PIEZO2: variants seen among roughly 807,000 people sequenced by gnomAD.
PIEZO2 encodes piezo-type mechanosensitive ion channel component 2.
PIEZO2 carries 172 observed loss-of-function variants against 337.3 expected under a neutral mutation model. The observed-to-expected ratio is 0.51, with a 90% CI of 0.45 to 0.58. PIEZO2 has a LOEUF of 0.58. Ranked by LOEUF, PIEZO2 falls within the 20% of genes least tolerant of loss-of-function variation. The pLI is 0.00. For synonymous variants in PIEZO2, 1,251 were observed against 1,228.5 expected, an observed-to-expected ratio of 1.02 and a Z score of -0.38; for missense variants, 3,028 against 3,391.3, an observed-to-expected ratio of 0.89 and a Z score of 2.66.
At chr18:11,022,460 A>T (rs2036346015) in intron 2 of PIEZO2, among the ~76,000 whole-genome samples, 1 of 152,174 alleles carries the variant, frequency 6.6e-6, no homozygotes, top group Non-Finnish European at 1.5e-5. Context: ...CTCAGTTGTA[A>T]AGGCTAGAAG....
In PIEZO2 at chr18:11,096,061, G is replaced by T. The variant is rs929131560; in HGVS notation, c.65-29839C>A. Among the ~76,000 whole-genome samples the T allele has an allele frequency of 2.6e-5, 4 of 152,182 alleles. No individual in the cohort carries two copies. The highest frequency in any genetic ancestry group is 5.9e-5 in the Non-Finnish European group (4 of 68,034). ...AGAGGGAGGCAGCTTTGCCTCCACT[G>T]CATGGAAAGGGCTTGGAACCAGCGG... On this transcript the variant is annotated intron_variant, in intron 1 of 55. Transcript: ENST00000674853. This position sits in a 1 kb window ranked among gnomAD's most constrained non-coding sequence, Gnocchi z 4.6.
chr18:11,057,404 T>C (rs1009341507), intron 2 of PIEZO2, among the ~76,000 whole-genome samples: 4 of 152,244 alleles, frequency 2.6e-5, no homozygotes, highest in Non-Finnish European at 5.9e-5. Flanking sequence ...TCAAGAACTC[T>C]AAAAGCCCAG....
At chr18:10,936,639 C>G (rs956573794) in intron 3 of PIEZO2, among the ~76,000 whole-genome samples, 2 of 152,148 alleles carry the variant, frequency 1.3e-5, no homozygotes, top group Non-Finnish European at 2.9e-5. Context: ...ACTAAAAGGC[C>G]TGGGGCTAGA....
At position 10,775,618 on chromosome 18, in the gene PIEZO2, A is replaced by T. The variant is rs1272478258; in HGVS notation, c.2535-1580T>A. Among the ~76,000 whole-genome samples the T allele has an allele frequency of 6.6e-6, 1 of 152,238 alleles. No individual in the cohort carries two copies. The highest frequency in any genetic ancestry group is 2.4e-5 in the African/African-American group (1 of 41,474). On this transcript the variant is annotated intron_variant, in intron 18 of 55. Coordinates refer to ENST00000674853, the MANE Select transcript of PIEZO2 (RefSeq NM_001378183.1). The surrounding 1 kb of genome is among the most constrained non-coding windows in gnomAD (Gnocchi z 4.3). ...AGGCTGTTTCCACAGCTGCTACTAC[A>T]GCTACACAGCAGATGTCCTTAAGCA...
In PIEZO2 at chr18:10,885,627, C is replaced by A. The variant is rs376464591; in HGVS notation, c.330-14212G>T. ...TGGTAGGAGGGAGGTTTGAAAGGTA[C>A]CACGGTCAGGGTCATTGGGAACCTT... On this transcript the variant is annotated intron_variant, in intron 4 of 55. Transcript: ENST00000674853. Among the ~76,000 whole-genome samples the A allele has an allele frequency of 4.5e-4, 69 of 152,196 alleles. No homozygotes were observed. In the East Asian group the frequency reaches 6.2e-3, roughly 14 times the overall value.
rs34849868 is a variant in PIEZO2, at chr18:11,127,803, ATG to A, written c.64+20720_64+20721del. 9.1e-3 allele frequency among the ~76,000 whole-genome samples: 1,343 copies of A among 146,806 alleles called. 25 individuals carry two copies. The highest frequency in any genetic ancestry group is 0.031 in the African/African-American group (1,221 of 39,566). ...TGCATATACGTGTGTGTGTGTGTGC[ATG>A]TGTGTGTGTGTGTGTGTGTGTATCC... is the stretch of plus-strand genomic sequence containing the variant. On this transcript the variant is annotated intron_variant, in intron 1 of 55. Transcript: ENST00000674853. The surrounding 1 kb of genome is among the most constrained non-coding windows in gnomAD (Gnocchi z 4.5).
At chr18:11,045,379 G>A (rs1400300211) in intron 2 of PIEZO2, among the ~76,000 whole-genome samples, 1 of 147,876 alleles carries the variant, frequency 6.8e-6, no homozygotes, top group East Asian at 2.0e-4. Context: ...ATGGCCAACA[G>A]CAAAATTATT....
At position 11,105,454 on chromosome 18, in the gene PIEZO2, C is replaced by T. The variant is rs1413052132; in HGVS notation, c.65-39232G>A. ...GCACCTCACATCTTCATCCTCACGA[C>T]ACACTTCCACACTTCAAACTACCAC... On this transcript the variant is annotated intron_variant, in intron 1 of 55. Coordinates refer to ENST00000674853, the MANE Select transcript of PIEZO2 (RefSeq NM_001378183.1). The surrounding 1 kb of genome is among the most constrained non-coding windows in gnomAD (Gnocchi z 4.3). 3.9e-5 allele frequency among the ~76,000 whole-genome samples: 6 copies of T among 152,186 alleles called. No individual in the cohort carries two copies. Among genetic ancestry groups the T allele is most frequent in the African/African-American group, 1.4e-4 (6 of 41,444 alleles).
chr18:11,065,326 C>A (rs142392080), intron 2 of PIEZO2, among the ~76,000 whole-genome samples: 2 of 152,166 alleles, frequency 1.3e-5, no homozygotes, highest in Non-Finnish European at 2.9e-5. Context: ...TGTAAACATA[C>A]GGCCATTGCA....
chr18:10,839,729 A>G (rs1202962262), intron 7 of PIEZO2, among the ~76,000 whole-genome samples: 2 of 152,224 alleles, frequency 1.3e-5, no homozygotes, highest in Non-Finnish European at 2.9e-5. Flanking sequence ...TTTAATCTAT[A>G]GCAAGGACAC....
chr18:10,704,401 T>C lies in PIEZO2; in HGVS notation c.6251A>G (p.Tyr2084Cys). 4 of 1,537,140 alleles carry C rather than the reference T, an allele frequency of 2.6e-6. No homozygotes were observed. The highest frequency in any genetic ancestry group is 2.6e-6 in the Non-Finnish European group (3 of 1,146,896). Residue 2084 changes from tyrosine (Y) to cysteine (C), a missense_variant, in exon 42 of 56, where the codon TAT becomes TGT. By Grantham distance (194) the Tyr-to-Cys change is radical. This residue lies in a region of PIEZO2 where 1,925 missense variants were observed against 2,051.9 expected (regional missense o/e 0.94). Coordinates refer to ENST00000674853, the MANE Select transcript of PIEZO2 (RefSeq NM_001378183.1). Reference protein sequence around the residue: ...SRRFWMMAIVYTEVAIVVKYF... With the variant: ...SRRFWMMAIVCTEVAIVVKYF... ...GTCTGCGTCCAGGCCTACCTCAGTATAGACGATGGCCATCATCCAGAACCG... is the reference window on the plus strand; with the variant it reads ...GTCTGCGTCCAGGCCTACCTCAGTACAGACGATGGCCATCATCCAGAACCG...
intron 22 of PIEZO2, 75 bp downstream of exon 22, chr18:10,762,847 G>C: frequency 6.8e-7 from 1 of 1,468,546 alleles, no homozygotes; most frequent in Non-Finnish European, 9.1e-7. Context: ...TGTGCTTGGG[G>C]ATGGGGGTTC....
intron 5 of PIEZO2, among the ~76,000 whole-genome samples, chr18:10,860,256 TC>T (rs1435839159): frequency 3.2e-4 from 48 of 152,252 alleles, no homozygotes; most frequent in Non-Finnish European, 2.9e-5. Context: ...GAGATGGCCC[TC>T]CTCGAGGTGC....
At chr18:11,011,030 G>A (rs2035880577) in intron 2 of PIEZO2, among the ~76,000 whole-genome samples, 1 of 152,196 alleles carries the variant, frequency 6.6e-6, no homozygotes, top group African/African-American at 2.4e-5. Flanking sequence ...ATGCTACGTG[G>A]TGTGAAAACA....
chr18:10,990,131 A>C (rs977483290), intron 2 of PIEZO2, among the ~76,000 whole-genome samples: 3 of 152,232 alleles, frequency 2.0e-5, no homozygotes, highest in Non-Finnish European at 4.4e-5. Flanking sequence ...TTAAGGCAGA[A>C]CATCAAACAA....
At chr18:10,845,675 T>A (rs1462489048) in intron 7 of PIEZO2, among the ~76,000 whole-genome samples, 3 of 152,114 alleles carry the variant, frequency 2.0e-5, no homozygotes, top group Non-Finnish European at 4.4e-5. Context: ...ACCCCCACAT[T>A]AATTAAGAAA....
Position 11,013,091 on chromosome 18 carries a change from T to C in PIEZO2, c.161-33431A>G, listed in dbSNP as rs190221923. 1.0e-3 allele frequency among the ~76,000 whole-genome samples: 153 copies of C among 152,332 alleles called. 1 individual carries two copies. Among genetic ancestry groups the C allele is most frequent in the African/African-American group, 3.4e-3 (143 of 41,570 alleles). On this transcript the variant is annotated intron_variant, in intron 2 of 55. Transcript: ENST00000674853. ...AAATTTTCACATCAAATATTTTATG[T>C]CTTCATTTATGTAATTCCCAGAACC... is the stretch of plus-strand genomic sequence containing the variant.
At chr18:10,818,284 G>C (rs144406761) in intron 7 of PIEZO2, among the ~76,000 whole-genome samples, 165 of 152,262 alleles carry the variant, frequency 1.1e-3, no homozygotes, top group African/African-American at 3.9e-3. Context: ...ATTCAGCACG[G>C]CTTTAAAAGG....
chr18:10,715,229 G>A lies in PIEZO2; in HGVS notation c.5257-299C>T, dbSNP rs60890448. On this transcript the variant is annotated intron_variant, in intron 38 of 55. Coordinates refer to ENST00000674853, the MANE Select transcript of PIEZO2 (RefSeq NM_001378183.1). ...TAAACCATATATTTTGTTATTCTGCGTATGTCCTACTTTTTATTATAAAAA... is the reference window on the plus strand; with the variant it reads ...TAAACCATATATTTTGTTATTCTGCATATGTCCTACTTTTTATTATAAAAA... 0.015 allele frequency among the ~76,000 whole-genome samples: 2,235 copies of A among 152,206 alleles called. 60 individuals are homozygous for A. The highest frequency in any genetic ancestry group is 0.051 in the African/African-American group (2,116 of 41,508).
Sources: allele counts gnomAD v4.1 joint callset (sites outside exome capture counted in the v4.1 genomes callset), GRCh38; gene constraint gnomAD v4.1.1; regional missense constraint gnomAD v4.1.1; non-coding constraint Gnocchi (gnomAD v3.1); transcripts MANE v1.5; gene names NCBI Gene and HGNC (gene_info 2026-07-23, HGNC 2026-07-21).